COL25A1: variants seen among roughly 807,000 people sequenced by gnomAD.
COL25A1 encodes the protein collagen alpha-1(XXV) chain.
A neutral mutation model predicts 128.4 loss-of-function variants in COL25A1; 103 were observed. That is an observed-to-expected ratio of 0.80 (90% CI 0.68 to 0.94). COL25A1 has a LOEUF of 0.94. Among genes scored for constraint, COL25A1 ranks in the 40% least tolerant of loss-of-function variants. The pLI, the probability that COL25A1 is intolerant of heterozygous loss-of-function variation, is 0.00. For synonymous variants in COL25A1, 279 were observed against 277.2 expected (o/e 1.01, Z -0.06); for missense variants, 745 against 840.0 (o/e 0.89, Z 1.40).
chr4:109,113,861 A>G (rs1028848788), intron 3 of COL25A1, among the ~76,000 whole-genome samples: 1 of 152,160 alleles, frequency 6.6e-6, no homozygotes, highest in Non-Finnish European at 1.5e-5. Context: ...ACCACTGAGC[A>G]GATATGAAAT....
At chr4:108,952,652 T>C (rs1309234106) in intron 8 of COL25A1, among the ~76,000 whole-genome samples, 3 of 152,070 alleles carry the variant, frequency 2.0e-5, no homozygotes, top group African/African-American at 7.2e-5. Flanking sequence ...TCAGTTGAGG[T>C]TGCCAGGTCA....
intron 24 of COL25A1, among the ~76,000 whole-genome samples, chr4:108,855,191 G>GTTTTTTTTTTT (rs35873529): frequency 6.8e-5 from 9 of 131,956 alleles, no homozygotes; most frequent in African/African-American, 8.5e-5. Flanking sequence ...TGTTGTTACT[G>GTTTTTTTTTTT]TTTTTTTTTT....
rs561954543 is a variant in COL25A1, at chr4:109,126,416, A to T, written c.368-76237T>A. Reference sequence around the variant, plus strand: ...AAGCTTCCAAACCTGGTCTGCTTTGACTTGAGATCAAGAACTTGGGAAAAT... The same window carrying T: ...AAGCTTCCAAACCTGGTCTGCTTTGTCTTGAGATCAAGAACTTGGGAAAAT... On this transcript the variant is annotated intron_variant, in intron 3 of 37. Transcript: ENST00000399132. 4.6e-5 allele frequency among the ~76,000 whole-genome samples: 7 copies of T among 152,312 alleles called. No individual in the cohort carries two copies. In the South Asian group the frequency reaches 1.4e-3, roughly 32 times the overall value.
chr4:108,885,886 T>C (rs1018590939), intron 18 of COL25A1, among the ~76,000 whole-genome samples: 3 of 152,214 alleles, frequency 2.0e-5, no homozygotes, highest in Non-Finnish European at 2.9e-5. Context: ...ACGGGTGTTC[T>C]CGTCACCTCT....
In COL25A1 at chr4:108,967,561, T is replaced by C. The variant is rs115276745; in HGVS notation, c.492+6806A>G. Reference sequence around the variant, plus strand: ...ACTTTATTAATCCTGATCATAATCATAGATAGTGGTAGTTAGAATTTGATC... The same window carrying C: ...ACTTTATTAATCCTGATCATAATCACAGATAGTGGTAGTTAGAATTTGATC... On this transcript the variant is annotated intron_variant, in intron 8 of 37. Transcript: ENST00000399132. 4.3e-3 allele frequency among the ~76,000 whole-genome samples: 650 copies of C among 152,268 alleles called. 2 individuals are homozygous for C. The highest frequency in any genetic ancestry group is 0.01 in the Middle Eastern group (3 of 294).
At chr4:109,210,115 T>C (rs989040529) in intron 3 of COL25A1, among the ~76,000 whole-genome samples, 4 of 151,694 alleles carry the variant, frequency 2.6e-5, no homozygotes, top group African/African-American at 7.3e-5. Flanking sequence ...AATTTCATTA[T>C]AGCTCTGTGA....
intron 3 of COL25A1, among the ~76,000 whole-genome samples, chr4:109,253,959 T>C (rs369995700): frequency 2.4e-4 from 37 of 151,724 alleles, no homozygotes; most frequent in South Asian, 1.0e-3. Flanking sequence ...CGGTGGCGGG[T>C]GCCTGTAGTC....
At chr4:108,918,359 A>G in intron 12 of COL25A1, 143 bp from the exon 13 acceptor site, 2 of 504,180 alleles carry the variant, frequency 4.0e-6, no homozygotes, top group Non-Finnish European at 6.9e-6. Context: ...GTGTTCAAAT[A>G]TATAATGTAA....
At chr4:108,886,139 C>A (rs1245532117) in intron 18 of COL25A1, among the ~76,000 whole-genome samples, 1 of 152,106 alleles carries the variant, frequency 6.6e-6, no homozygotes, top group East Asian at 1.9e-4. Context: ...TGAACAGATA[C>A]TTAGAAATTC....
intron 8 of COL25A1, chr4:108,942,169 T>C: frequency 6.5e-7 from 1 of 1,541,564 alleles, no homozygotes; most frequent in Non-Finnish European, 8.8e-7. Context: ...TTATGCTGAT[T>C]GCATTTCTGA....
chr4:108,819,420 T>C (rs1025721572), intron 35 of COL25A1, 91 bp from the exon 36 acceptor site: 9 of 1,035,822 alleles, frequency 8.7e-6, no homozygotes, highest in Non-Finnish European at 1.0e-5. Flanking sequence ...CAACAAAGGC[T>C]GGGAGAGGAG....
intron 3 of COL25A1, among the ~76,000 whole-genome samples, chr4:109,257,217 T>C (rs1781140372): frequency 1.3e-5 from 2 of 152,214 alleles, no homozygotes; most frequent in Non-Finnish European, 2.9e-5. Flanking sequence ...CAACTTGTCT[T>C]CATGCTGCAC....
intron 3 of COL25A1, among the ~76,000 whole-genome samples, chr4:109,075,220 A>G (rs1763280692): frequency 6.6e-6 from 1 of 152,138 alleles, no homozygotes; most frequent in Non-Finnish European, 1.5e-5. Flanking sequence ...CCAGAACAGA[A>G]TATCACTGTT....
chr4:109,026,295 G>A (rs1204348364), intron 5 of COL25A1, among the ~76,000 whole-genome samples: 5 of 152,058 alleles, frequency 3.3e-5, no homozygotes, highest in Non-Finnish European at 5.9e-5. Flanking sequence ...TAAAAACAAT[G>A]ACAACAAAAT....
Position 109,189,895 on chromosome 4 carries a change from T to C in COL25A1, c.367+110688A>G, listed in dbSNP as rs562248238. Among the ~76,000 whole-genome samples the C allele has an allele frequency of 1.0e-3, 156 of 152,274 alleles. 2 individuals are homozygous for C. The South Asian group carries it at 0.025, about 24-fold the overall frequency. On this transcript the variant is annotated intron_variant, in intron 3 of 37. Coordinates refer to ENST00000399132, the MANE Select transcript of COL25A1 (RefSeq NM_198721.4). ...TAAGTTTAACGACTTTTACTATTGGTGGGATTTTTTCCCCAGCAAATATTT... is the reference window on the plus strand; with the variant it reads ...TAAGTTTAACGACTTTTACTATTGGCGGGATTTTTTCCCCAGCAAATATTT...
intron 3 of COL25A1, among the ~76,000 whole-genome samples, chr4:109,193,436 C>T (rs900499603): frequency 5.9e-5 from 9 of 152,042 alleles, no homozygotes; most frequent in Non-Finnish European, 1.0e-4. Flanking sequence ...TGAGGAATTC[C>T]TTGTCTATAG....
At chr4:109,139,362 T>C (rs1210165118) in intron 3 of COL25A1, among the ~76,000 whole-genome samples, 1 of 152,220 alleles carries the variant, frequency 6.6e-6, no homozygotes, top group Non-Finnish European at 1.5e-5. Flanking sequence ...TTGGTTCTTG[T>C]TGCTATTGCT....
intron 13 of COL25A1, among the ~76,000 whole-genome samples, chr4:108,917,350 G>C (rs1244525415): frequency 6.6e-6 from 1 of 152,178 alleles, no homozygotes. Flanking sequence ...AATACTCTGG[G>C]AAGGCAAGAT....
intron 22 of COL25A1, among the ~76,000 whole-genome samples, chr4:108,861,456 CT>C (rs1737215301): frequency 6.6e-6 from 1 of 152,192 alleles, no homozygotes; most frequent in Non-Finnish European, 1.5e-5. Context: ...CAGGCTAGGC[CT>C]CCCTCTGATG....
Sources: gnomAD v4.1 joint callset for allele counts (sites outside exome capture counted in the v4.1 genomes callset) on GRCh38, gnomAD v4.1.1 for gene constraint, MANE v1.5 for transcripts, NCBI Gene and HGNC (gene_info 2026-07-23, HGNC 2026-07-21) for gene names.